The following DCC variants were observed in gnomAD, a reference collection of about 807,000 sequenced individuals.
DCC encodes netrin receptor DCC.
In DCC, 58 loss-of-function variants were observed where a neutral mutation model predicts 172.5. The ratio of observed to expected loss-of-function variants is 0.34; its 90% CI spans 0.27 to 0.42. The LOEUF (loss-of-function observed/expected upper bound fraction) is 0.42. Among genes scored for constraint, DCC ranks in the 10% least tolerant of loss-of-function variants. The pLI, the probability that DCC is intolerant of heterozygous loss-of-function variation, is 1.00. For missense variants in DCC, 1,740 were observed against 1,791.0 expected (o/e 0.97, Z 0.51); for synonymous variants, 709 against 644.5 (o/e 1.10, Z -1.52).
At chr18:53,093,595 ACT>A (rs1255097561) in intron 7 of DCC, among the ~76,000 whole-genome samples, 2 of 152,100 alleles carry the variant, frequency 1.3e-5, no homozygotes, top group African/African-American at 2.4e-5. Context: ...TATTAATGTA[ACT>A]CTAGGATTTA....
At chr18:52,754,460 G>A (rs745356624) in intron 2 of DCC, among the ~76,000 whole-genome samples, 25 of 152,134 alleles carry the variant, frequency 1.6e-4, no homozygotes, top group Non-Finnish European at 2.5e-4. Flanking sequence ...GATTAGTGCC[G>A]TTATAAAAGT....
At chr18:53,342,135 C>G (rs985214564) in intron 15 of DCC, among the ~76,000 whole-genome samples, 4 of 152,120 alleles carry the variant, frequency 2.6e-5, no homozygotes, top group African/African-American at 9.6e-5. Context: ...ACCCCTTCAT[C>G]TATTTCATGA....
chr18:53,080,364 ATCT>A (rs1471241636), intron 7 of DCC, among the ~76,000 whole-genome samples: 1 of 152,136 alleles, frequency 6.6e-6, no homozygotes, highest in Non-Finnish European at 1.5e-5. Context: ...TGTCTTGATC[ATCT>A]TTGTATTTCC....
intron 7 of DCC, among the ~76,000 whole-genome samples, chr18:53,120,296 A>T (rs913956697): frequency 6.6e-6 from 1 of 151,824 alleles, no homozygotes; most frequent in Non-Finnish European, 1.5e-5. Context: ...GAATAAAAAC[A>T]TTTATAGAAT....
chr18:52,541,889 A>G (rs1347929002), intron 1 of DCC, among the ~76,000 whole-genome samples: 1 of 136,332 alleles, frequency 7.3e-6, no homozygotes, highest in Non-Finnish European at 1.6e-5. Flanking sequence ...ATATATATAT[A>G]TATATATGTG....
At chr18:52,724,282 G>A (rs1242688635) in intron 1 of DCC, among the ~76,000 whole-genome samples, 3 of 152,104 alleles carry the variant, frequency 2.0e-5, no homozygotes, top group Non-Finnish European at 4.4e-5. Context: ...TAGTAGCTGA[G>A]ACTACAGTTA....
intron 9 of DCC, among the ~76,000 whole-genome samples, 161 bp from the exon 10 acceptor site, chr18:53,205,055 C>T (rs2144549011): frequency 6.6e-6 from 1 of 152,136 alleles, no homozygotes; most frequent in South Asian, 2.1e-4. Context: ...GATTCTAAAG[C>T]TTCCAGAGTT....
At chr18:53,322,301 A>T (rs778096803) in intron 14 of DCC, 144 bp downstream of exon 14, 24 of 679,626 alleles carry the variant, frequency 3.5e-5, no homozygotes, top group Non-Finnish European at 6.2e-5. Context: ...ACAGGGAAAC[A>T]TTAGTGAATA....
chr18:52,668,060 A>AC (rs201120811), intron 1 of DCC, among the ~76,000 whole-genome samples: 10 of 151,840 alleles, frequency 6.6e-5, no homozygotes, highest in East Asian at 5.8e-4. Context: ...AACAACAACA[A>AC]AAAAAAACAG....
chr18:52,723,831 G>C (rs1413922475), intron 1 of DCC, among the ~76,000 whole-genome samples: 1 of 152,136 alleles, frequency 6.6e-6, no homozygotes, highest in East Asian at 1.9e-4. Flanking sequence ...GAACCAGAGA[G>C]GTAAGGGCAA....
At position 53,264,884 on chromosome 18, in the gene DCC, A is replaced by G. The variant is rs73463043; in HGVS notation, c.1912-40694A>G. ...ACAAATGTAGCTACTTTCAAAAAAG[A>G]TTCTTGAGAAACACTGTGTAATATT... On this transcript the variant is annotated intron_variant, in intron 12 of 28. Transcript: ENST00000442544. Among the ~76,000 whole-genome samples, 280 of 152,264 alleles carry G rather than the reference A, an allele frequency of 1.8e-3. 3 individuals are homozygous for G. Among genetic ancestry groups the G allele is most frequent in the African/African-American group, 6.5e-3 (270 of 41,556 alleles).
intron 10 of DCC, among the ~76,000 whole-genome samples, chr18:53,206,523 TTA>T (rs1485418367): frequency 1.0e-3 from 68 of 65,856 alleles, no homozygotes; most frequent in African/African-American, 3.3e-3. Flanking sequence ...TATACATGTA[TTA>T]TATATAATAC....
chr18:53,498,443 A>G (rs2046053160), intron 26 of DCC, among the ~76,000 whole-genome samples: 1 of 152,006 alleles, frequency 6.6e-6, no homozygotes, highest in African/African-American at 2.4e-5. Flanking sequence ...TTTTGCTTGC[A>G]GTTTAACCTG....
In DCC at chr18:53,391,657, C is replaced by G. The variant is rs571654420; in HGVS notation, c.2458C>G (p.Pro820Ala). 1 of 1,610,066 alleles carries G rather than the reference C, an allele frequency of 6.2e-7. No individual in the cohort carries two copies. Among genetic ancestry groups the G allele is most frequent in the Non-Finnish European group, 8.5e-7 (1 of 1,176,378 alleles). Reference protein sequence around the residue: ...ESATTRSITDPTDPVDYYPLL... With the variant: ...ESATTRSITDATDPVDYYPLL... ...ATTTGGTGGGTTTTTAAACCCAGAT[C>G]CCACTGACCCAGTTGATTATTATCC... The change falls in exon 17 of 29, where the codon CCC becomes GCC. Residue 820 changes from proline to alanine, a missense_variant and splice_region_variant. Pro to Ala is a conservative substitution (Grantham distance 27). Coordinates refer to ENST00000442544, the MANE Select transcript of DCC (RefSeq NM_005215.4).
chr18:53,457,315 T>A (rs949055350), intron 23 of DCC, among the ~76,000 whole-genome samples: 2 of 152,120 alleles, frequency 1.3e-5, no homozygotes, highest in Admixed American at 6.5e-5. Context: ...AACTAGCAAA[T>A]AAATGAATAA....
At position 52,600,599 on chromosome 18, in the gene DCC, C is replaced by T. The variant is rs541816134; in HGVS notation, c.92-151455C>T. ...AATAGATCGATTTAAGTACACTAAA[C>T]GTCTTTACCATTGACTCTTTTTATA... On this transcript the variant is annotated intron_variant, in intron 1 of 28. Transcript: ENST00000442544. Among the ~76,000 whole-genome samples the T allele has an allele frequency of 1.4e-4, 22 of 152,238 alleles. No individual in the cohort carries two copies. In the East Asian group the frequency reaches 2.7e-3, roughly 19 times the overall value.
intron 2 of DCC, among the ~76,000 whole-genome samples, chr18:52,772,576 T>C (rs1568093357): frequency 6.6e-6 from 1 of 152,154 alleles, no homozygotes; most frequent in Non-Finnish European, 1.5e-5. Flanking sequence ...GAAAAGCACA[T>C]CTCTAGGATC....
intron 1 of DCC, among the ~76,000 whole-genome samples, chr18:52,571,092 A>C (rs1236854878): frequency 6.6e-6 from 1 of 152,160 alleles, no homozygotes; most frequent in African/African-American, 2.4e-5. Flanking sequence ...GTGCACAAAA[A>C]CTTTTTCTAG....
intron 2 of DCC, among the ~76,000 whole-genome samples, chr18:52,827,435 G>C (rs541116990): frequency 6.6e-6 from 1 of 152,332 alleles, no homozygotes; most frequent in East Asian, 1.9e-4. Flanking sequence ...TATATCCCTA[G>C]AGAATTCTTA....
Sources: gnomAD v4.1 joint callset for allele counts (sites outside exome capture counted in the v4.1 genomes callset) on GRCh38, gnomAD v4.1.1 for gene constraint, MANE v1.5 for transcripts, NCBI Gene and HGNC (gene_info 2026-07-23, HGNC 2026-07-21) for gene names.